ZBTB42: variants seen among roughly 807,000 people sequenced by gnomAD.
ZBTB42 encodes zinc finger and BTB domain-containing protein 42.
In ZBTB42, 3 loss-of-function variants were observed where a neutral mutation model predicts 4.7. That is an observed-to-expected ratio of 0.64 (90% CI 0.29 to 1.66). The LOEUF is 1.66. Ranked by LOEUF, ZBTB42 falls within the 40% of genes most tolerant of loss-of-function variation. The pLI, the probability that ZBTB42 is intolerant of heterozygous loss-of-function variation, is 0.10. For synonymous variants in ZBTB42, 255 were observed against 259.5 expected, an observed-to-expected ratio of 0.98 and a Z score of 0.17; for missense variants, 521 against 577.1, an observed-to-expected ratio of 0.90 and a Z score of 1.00.
In ZBTB42 at chr14:104,802,292, G is replaced by A; in HGVS notation, c.1095G>A (p.Val365=). The A allele has an allele frequency of 6.4e-7, 1 of 1,550,456 alleles. No homozygotes were observed. The highest frequency in any genetic ancestry group is 2.4e-5 in the East Asian group (1 of 40,926). ...THSGEKPYTC[V]QCGKSFQYSH... is the part of the protein sequence containing the mutation. ...CGGGTGAGAAGCCCTATACGTGTGTGCAGTGTGGCAAAAGTTTTCAGTACT... is the reference window on the plus strand; with the variant it reads ...CGGGTGAGAAGCCCTATACGTGTGTACAGTGTGGCAAAAGTTTTCAGTACT... The change falls in exon 1 of 1, where the codon GTG becomes GTA. Residue 365 remains valine, a synonymous_variant. Transcript: ENST00000342537. This position sits in a 1 kb window ranked among gnomAD's most constrained non-coding sequence, Gnocchi z 5.9.
Position 104,804,217 on chromosome 14 carries a change from C to T in ZBTB42, c.*1751C>T, listed in dbSNP as rs112926467. 51 of 166,708 alleles carry T rather than the reference C, an allele frequency of 3.1e-4. No individual in the cohort carries two copies. The highest frequency in any genetic ancestry group is 1.2e-4 in the African/African-American group (5 of 41,374). The allele number at this position is 166,708 out of a possible 1,614,324, so 10.3% of individuals were successfully genotyped here. A position where few individuals can be genotyped will look rare whatever the true frequency, so the allele number is the denominator to read the frequency against. ...GCACATGGCAAGGCCCAAGCCAACC[C>T]GGCACCCCGTAGATGGGCAGCTACA... On this transcript the variant is annotated 3_prime_UTR_variant, in exon 1 of 1. Transcript: ENST00000342537.
chr14:104,802,738 A>G lies in ZBTB42; in HGVS notation c.*272A>G, dbSNP rs1204199768. On this transcript the variant is annotated 3_prime_UTR_variant, in exon 1 of 1. Transcript: ENST00000342537. The surrounding 1 kb of genome is among the most constrained non-coding windows in gnomAD (Gnocchi z 5.9). Reference sequence around the variant, plus strand: ...TGTGCCCTGCCTAGGCTGTGACACTATCTTCCTCTCCCGTCCCCTCCAGCC... The same window carrying G: ...TGTGCCCTGCCTAGGCTGTGACACTGTCTTCCTCTCCCGTCCCCTCCAGCC... The G allele has an allele frequency of 5.4e-6, 3 of 551,388 alleles. No individual in the cohort carries two copies. Among genetic ancestry groups the G allele is most frequent in the Non-Finnish European group, 9.9e-6 (3 of 302,874 alleles). The allele number at this position is 551,388 out of a possible 1,614,324, so 34.2% of individuals were successfully genotyped here.
Position 104,802,190 on chromosome 14 carries a change from C to T in ZBTB42, c.993C>T (p.Gly331=), listed in dbSNP as rs752373823. The change falls in exon 1 of 1, where the codon GGC becomes GGT. Residue 331 remains glycine, a synonymous_variant. Transcript: ENST00000342537. This position sits in a 1 kb window ranked among gnomAD's most constrained non-coding sequence, Gnocchi z 5.9. The part of the protein sequence containing the change: ...DSTRARLSPD[G]VAPTCPLCGK... Reference sequence around the variant, plus strand: ...CCCGGGCCCGGCTCTCACCCGACGGCGTGGCACCCACCTGCCCGCTCTGTG... The same window carrying T: ...CCCGGGCCCGGCTCTCACCCGACGGTGTGGCACCCACCTGCCCGCTCTGTG... 34 of 1,549,726 alleles carry T rather than the reference C, an allele frequency of 2.2e-5. No homozygotes were observed. The South Asian group carries it at 2.3e-4, about 10-fold the overall frequency.
Position 104,802,318 on chromosome 14 carries a change from CCCA to C in ZBTB42, c.1123_1125del (p.His375del). ...CAGTGTGGCAAAAGTTTTCAGTACT[CCCA>C]CAACCTGAGCCGGCACACCGTAGTG... On this transcript the variant is annotated inframe_deletion, in exon 1 of 1. Coordinates refer to ENST00000342537, the MANE Select transcript of ZBTB42 (RefSeq NM_001137601.3). This position sits in a 1 kb window ranked among gnomAD's most constrained non-coding sequence, Gnocchi z 5.9. The C allele has an allele frequency of 1.3e-6, 2 of 1,550,470 alleles. No individual in the cohort carries two copies. Among genetic ancestry groups the C allele is most frequent in the South Asian group, 2.4e-5 (2 of 84,064 alleles).
chr14:104,802,024 T>G lies in ZBTB42; in HGVS notation c.827T>G (p.Leu276Arg). The G allele has an allele frequency of 6.7e-7, 1 of 1,493,692 alleles. No homozygotes were observed. The highest frequency in any genetic ancestry group is 1.3e-5 in the South Asian group (1 of 78,096). 92.5% of individuals were successfully genotyped at this position (1,493,692 alleles called of 1,614,324 possible). The change falls in exon 1 of 1, where the codon CTT (leucine) becomes CGT (arginine). Residue 276 changes from leucine to arginine, a missense_variant. By Grantham distance (102) the Leu-to-Arg change is moderately radical (BLOSUM62 -2). Transcript: ENST00000342537. This position sits in a 1 kb window ranked among gnomAD's most constrained non-coding sequence, Gnocchi z 5.9. ...GGAGAGGGCAGCCGGGAGCTGGAGC[T>G]TGGTGCAGGGCGACTGGCGAGTGAG... is the stretch of plus-strand genomic sequence containing the variant. ...LSGEGSRELELGAGRLASEDE... is the reference protein window; with the variant it reads ...LSGEGSRELERGAGRLASEDE...
Position 104,802,482 on chromosome 14 carries a change from C to T in ZBTB42, c.*16C>T, listed in dbSNP as rs1323715963. On this transcript the variant is annotated 3_prime_UTR_variant, in exon 1 of 1. Transcript: ENST00000342537. This position sits in a 1 kb window ranked among gnomAD's most constrained non-coding sequence, Gnocchi z 5.9. Reference sequence around the variant, plus strand: ...TCTGGTGTGATGCATCCCTGTGGGTCCTGAGGGTGGGGTGGAAGGGAAGGG... The same window carrying T: ...TCTGGTGTGATGCATCCCTGTGGGTTCTGAGGGTGGGGTGGAAGGGAAGGG... 1.3e-6 allele frequency: 2 copies of T among 1,541,282 alleles called. No individual in the cohort carries two copies. Among genetic ancestry groups the T allele is most frequent in the South Asian group, 1.2e-5 (1 of 82,756 alleles).
chr14:104,802,389 C>T lies in ZBTB42; in HGVS notation c.1192C>T (p.Arg398Cys), dbSNP rs1415938319. The change falls in exon 1 of 1, where the codon CGT (arginine) becomes TGT (cysteine). Residue 398 changes from arginine to cysteine, a missense_variant. Transcript: ENST00000342537. This position sits in a 1 kb window ranked among gnomAD's most constrained non-coding sequence, Gnocchi z 5.9. ...KPHACRWCERRFTQSGDLYRH... is the reference protein window; with the variant it reads ...KPHACRWCERCFTQSGDLYRH... ...GCATGCCTGCCGGTGGTGTGAGCGC[C>T]GTTTCACGCAGTCCGGGGACCTCTA... The T allele has an allele frequency of 5.8e-6, 9 of 1,550,754 alleles. No homozygotes were observed. Among genetic ancestry groups the T allele is most frequent in the East Asian group, 4.9e-5 (2 of 41,002 alleles).
Position 104,801,958 on chromosome 14 carries a change from C to T in ZBTB42, c.761C>T (p.Ala254Val). Reference protein sequence around the residue: ...SPPKPPPVPAAKGLVVGLQPL... With the variant: ...SPPKPPPVPAVKGLVVGLQPL... ...CCGAAGCCACCTCCTGTTCCTGCAG[C>T]CAAGGGCCTGGTGGTGGGCTTGCAG... The change falls in exon 1 of 1, where the codon GCC becomes GTC. Residue 254 changes from alanine to valine, a missense_variant. By Grantham distance (64) the Ala-to-Val change is moderately conservative. Transcript: ENST00000342537. The surrounding 1 kb of genome is among the most constrained non-coding windows in gnomAD (Gnocchi z 4.4). The T allele has an allele frequency of 6.6e-7, 1 of 1,525,020 alleles. No homozygotes were observed. The highest frequency in any genetic ancestry group is 8.8e-7 in the Non-Finnish European group (1 of 1,137,028). The allele number at this position is 1,525,020 out of a possible 1,614,324, so 94.5% of individuals were successfully genotyped here. A position where few individuals can be genotyped will look rare whatever the true frequency, so the allele number is the denominator to read the frequency against.
upstream of ZBTB42, chr14:104,801,044 G>A: frequency 3.1e-6 from 3 of 979,218 alleles, no homozygotes; most frequent in Non-Finnish European, 4.2e-6. The surrounding 1 kb of genome is among the most constrained non-coding windows in gnomAD (Gnocchi z 4.4). Flanking sequence ...TCCTGCTCGG[G>A]GCAGGTGCCC....
Position 104,803,327 on chromosome 14 carries a change from C to A in ZBTB42, c.*861C>A, listed in dbSNP as rs1378453956. On this transcript the variant is annotated 3_prime_UTR_variant, in exon 1 of 1. Transcript: ENST00000342537. ...AGCCACATGCTTGTCTGCCTGAGTG[C>A]AGGTCTAGGAAGCCTCTGGGCATCC... 6.0e-6 allele frequency: 1 copy of A among 166,946 alleles called. No homozygotes were observed. Among genetic ancestry groups the A allele is most frequent in the Non-Finnish European group, 1.5e-5 (1 of 68,222 alleles). The allele number at this position is 166,946 out of a possible 1,614,324, so 10.3% of individuals were successfully genotyped here.
chr14:104,802,156 G>A lies in ZBTB42; in HGVS notation c.959G>A (p.Arg320Gln). The change falls in exon 1 of 1, where the codon CGA (arginine) becomes CAA (glutamine). Residue 320 changes from arginine to glutamine, a missense_variant. Transcript: ENST00000342537. The surrounding 1 kb of genome is among the most constrained non-coding windows in gnomAD (Gnocchi z 5.9). Reference sequence around the variant, plus strand: ...CACCTCAGTGCCCACTTCCGTGAGCGAGACAGCACCCGGGCCCGGCTCTCA... The same window carrying A: ...CACCTCAGTGCCCACTTCCGTGAGCAAGACAGCACCCGGGCCCGGCTCTCA... Reference protein sequence around the residue: ...QLHLSAHFRERDSTRARLSPD... With the variant: ...QLHLSAHFREQDSTRARLSPD... 2 of 1,547,102 alleles carry A rather than the reference G, an allele frequency of 1.3e-6. No individual in the cohort carries two copies. Among genetic ancestry groups the A allele is most frequent in the Non-Finnish European group, 1.7e-6 (2 of 1,146,386 alleles).
chr14:104,801,076 T>C, upstream of ZBTB42: 1 of 1,297,824 alleles, frequency 7.7e-7, no homozygotes, highest in Non-Finnish European at 9.9e-7. This position sits in a 1 kb window ranked among gnomAD's most constrained non-coding sequence, Gnocchi z 4.4. Context: ...GGACGGGAGG[T>C]TGCGCGCGTC....
rs1894032483 is a variant in ZBTB42 at position 104,801,148 on chromosome 14, A to G, written c.-50A>G. On this transcript the variant is annotated 5_prime_UTR_variant, in exon 1 of 1. Transcript: ENST00000342537. This position sits in a 1 kb window ranked among gnomAD's most constrained non-coding sequence, Gnocchi z 4.4. ...GGAAGGGCGCTTCGTGGGCGCCTCC[A>G]GGCGCGCTGACGGGCGTCCCGTTTG... 1.4e-6 allele frequency: 2 copies of G among 1,381,218 alleles called. No individual in the cohort carries two copies. 85.6% of individuals were successfully genotyped at this position (1,381,218 alleles called of 1,614,324 possible).
chr14:104,801,778 C>T lies in ZBTB42; in HGVS notation c.581C>T (p.Ser194Phe), dbSNP rs1436745940. The change falls in exon 1 of 1, where the codon TCT becomes TTT. Residue 194 changes from serine (S) to phenylalanine (F), a missense_variant. Physicochemically the swap from Ser to Phe is radical, Grantham distance 155. Transcript: ENST00000342537. The surrounding 1 kb of genome is among the most constrained non-coding windows in gnomAD (Gnocchi z 4.4). ...CAGGCCCTGGACCTGTCGTTGAAGT[C>T]TGGCCCAAGGCAGGAGCGGGTCCAC... ...SDQALDLSLKSGPRQERVHPP... is the reference protein window; with the variant it reads ...SDQALDLSLKFGPRQERVHPP... 8 of 1,549,240 alleles carry T rather than the reference C, an allele frequency of 5.2e-6. No homozygotes were observed. Among genetic ancestry groups the T allele is most frequent in the Non-Finnish European group, 7.0e-6 (8 of 1,146,376 alleles).
In ZBTB42 at chr14:104,802,261, C is replaced by T; in HGVS notation, c.1064C>T (p.Thr355Ile). The change falls in exon 1 of 1, where the codon ACA (threonine) becomes ATA (isoleucine). Residue 355 changes from threonine (T) to isoleucine (I), a missense_variant. Thr to Ile is a moderately conservative substitution (Grantham distance 89, BLOSUM62 -1). Coordinates refer to ENST00000342537, the MANE Select transcript of ZBTB42 (RefSeq NM_001137601.3). The surrounding 1 kb of genome is among the most constrained non-coding windows in gnomAD (Gnocchi z 5.9). Reference sequence around the variant, plus strand: ...TACACACTGAAGAGGCACGAGCGGACACACTCGGGTGAGAAGCCCTATACG... The same window carrying T: ...TACACACTGAAGAGGCACGAGCGGATACACTCGGGTGAGAAGCCCTATACG... ...CTYTLKRHER[T>I]HSGEKPYTCV... 1 of 1,550,390 alleles carries T rather than the reference C, an allele frequency of 6.4e-7. No homozygotes were observed. The highest frequency in any genetic ancestry group is 1.2e-5 in the South Asian group (1 of 84,066).
Position 104,802,005 on chromosome 14 carries a change from G to A in ZBTB42, c.808G>A (p.Gly270Ser), listed in dbSNP as rs976365480. The stretch of plus-strand genomic sequence containing the variant: ...GCAGCCGCTGCCCCTCAGCGGAGAG[G>A]GCAGCCGGGAGCTGGAGCTTGGTGC... Reference protein sequence around the residue: ...GLQPLPLSGEGSRELELGAGR... With the variant: ...GLQPLPLSGESSRELELGAGR... The change falls in exon 1 of 1, where the codon GGC becomes AGC. Residue 270 changes from glycine to serine, a missense_variant. Gly to Ser is a moderately conservative substitution (Grantham distance 56, BLOSUM62 0). Transcript: ENST00000342537. The surrounding 1 kb of genome is among the most constrained non-coding windows in gnomAD (Gnocchi z 5.9). 2 of 1,498,620 alleles carry A rather than the reference G, an allele frequency of 1.3e-6. No homozygotes were observed. Among genetic ancestry groups the A allele is most frequent in the African/African-American group, 2.8e-5 (2 of 71,898 alleles). 92.8% of individuals were successfully genotyped at this position (1,498,620 alleles called of 1,614,324 possible).
At position 104,802,422 on chromosome 14, in the gene ZBTB42, G is replaced by T; in HGVS notation, c.1225G>T (p.Val409Phe). ...GCAGTCCGGGGACCTCTACCGCCAC[G>T]TCCGCAAGTTTCACTGTGGCCTCGT... The part of the protein sequence containing the change: ...FTQSGDLYRH[V>F]RKFHCGLVKS... The change falls in exon 1 of 1, where the codon GTC (valine) becomes TTC (phenylalanine). Residue 409 changes from valine (V) to phenylalanine (F), a missense_variant. Transcript: ENST00000342537. The surrounding 1 kb of genome is among the most constrained non-coding windows in gnomAD (Gnocchi z 5.9). The T allele has an allele frequency of 2.6e-6, 4 of 1,551,364 alleles. No individual in the cohort carries two copies. The highest frequency in any genetic ancestry group is 2.4e-5 in the East Asian group (1 of 41,030).
chr14:104,802,142 C>G lies in ZBTB42; in HGVS notation c.945C>G (p.Ala315=). The stretch of plus-strand genomic sequence containing the variant: ...ACGTGCTGCAGCTGCACCTCAGTGC[C>G]CACTTCCGTGAGCGAGACAGCACCC... ...SSHVLQLHLS[A]HFRERDSTRA... is the part of the protein sequence containing the mutation. Residue 315 remains alanine (A), a synonymous_variant, in exon 1 of 1, where the codon GCC becomes GCG. Transcript: ENST00000342537. This position sits in a 1 kb window ranked among gnomAD's most constrained non-coding sequence, Gnocchi z 5.9. The G allele has an allele frequency of 6.5e-7, 1 of 1,544,536 alleles. No homozygotes were observed. The highest frequency in any genetic ancestry group is 2.4e-5 in the East Asian group (1 of 40,862).
At position 104,801,218 on chromosome 14, in the gene ZBTB42, CG is replaced by C; in HGVS notation, c.23del (p.Gly8AspfsTer7). MEFPEHG[G>X]RLLGRLRQQR... The stretch of plus-strand genomic sequence containing the variant: ...GCGGCATGGAGTTCCCTGAGCACGG[CG>C]GACGGCTGCTGGGCCGCCTGAGACA... On this transcript the variant is annotated frameshift_variant, in exon 1 of 1. Transcript: ENST00000342537. LOFTEE classifies it low-confidence loss of function (END_TRUNC). The surrounding 1 kb of genome is among the most constrained non-coding windows in gnomAD (Gnocchi z 4.4). 1 of 1,445,788 alleles carries C rather than the reference CG, an allele frequency of 6.9e-7. No individual in the cohort carries two copies. The allele number at this position is 1,445,788 out of a possible 1,614,324, so 89.6% of individuals were successfully genotyped here.
Sources: gnomAD v4.1 joint callset for allele counts on GRCh38, gnomAD v4.1.1 for gene constraint, Gnocchi (gnomAD v3.1) non-coding constraint, MANE v1.5 for transcripts, NCBI Gene and HGNC (gene_info 2026-07-23, HGNC 2026-07-21) for gene names.